Variants in PTPRN2 observed in about 807,000 individuals in gnomAD.
PTPRN2 encodes protein tyrosine phosphatase receptor type N2, also known as receptor-type tyrosine-protein phosphatase N2.
Under a neutral mutation model 118.8 loss-of-function variants are expected in PTPRN2, and 74 were observed. That is an observed-to-expected ratio of 0.62 (90% CI 0.52 to 0.76). PTPRN2 has a LOEUF of 0.76. Ranked by LOEUF, PTPRN2 falls within the 30% of genes least tolerant of loss-of-function variation. The pLI is 0.00. For synonymous variants in PTPRN2, 641 were observed against 608.0 expected (o/e 1.05, Z -0.80); for missense variants, 1,481 against 1,394.4 (o/e 1.06, Z -0.99).
chr7:157,576,701 C>T lies in PTPRN2; in HGVS notation c.2695G>A (p.Glu899Lys), dbSNP rs116890852. The change falls in exon 19 of 23, where the codon GAG becomes AAG. Residue 899 changes from glutamate to lysine, a missense_variant. Around this residue, in one of 3 missense-constraint regions of PTPRN2, gnomAD observed 362 missense variants for 384.1 expected, o/e 0.94. Transcript: ENST00000389418. ...SFYLKNLQTN[E>K]TRTVTQFHFL... Reference sequence around the variant, plus strand: ...TGGAACTGCGTCACGGTGCGCGTCTCGTTGGTCTGCAGGTTCTTCAGATAG... The same window carrying T: ...TGGAACTGCGTCACGGTGCGCGTCTTGTTGGTCTGCAGGTTCTTCAGATAG... 28 of 1,610,912 alleles carry T rather than the reference C, an allele frequency of 1.7e-5. No homozygotes were observed. Among genetic ancestry groups the T allele is most frequent in the East Asian group, 2.2e-5 (1 of 44,800 alleles).
chr7:157,963,983 A>C (rs1251271166), intron 11 of PTPRN2, among the ~76,000 whole-genome samples: 1 of 152,190 alleles, frequency 6.6e-6, no homozygotes, highest in Non-Finnish European at 1.5e-5. Flanking sequence ...CACTGCACCC[A>C]GTCATTAAGT....
At chr7:158,475,979 T>C (rs1042660589) in intron 2 of PTPRN2, among the ~76,000 whole-genome samples, 12 of 152,182 alleles carry the variant, frequency 7.9e-5, no homozygotes, top group African/African-American at 2.9e-4. Flanking sequence ...CTGCATATCA[T>C]ACTTACTACG....
chr7:157,969,539 G>T (rs10277879), intron 11 of PTPRN2, among the ~76,000 whole-genome samples: 69,570 of 151,838 alleles, frequency 0.46, 16,078 homozygotes, highest in East Asian at 0.57. Context: ...GCTGGGTGCT[G>T]CCTGGGTTTC....
At chr7:157,759,215 G>A (rs2151003242) in intron 12 of PTPRN2, among the ~76,000 whole-genome samples, 2 of 152,366 alleles carry the variant, frequency 1.3e-5, no homozygotes, top group South Asian at 4.1e-4. Flanking sequence ...GGTCGGCATT[G>A]TTACTTAGGT....
chr7:158,326,520 G>A (rs1007638065), intron 2 of PTPRN2, among the ~76,000 whole-genome samples: 5 of 152,232 alleles, frequency 3.3e-5, no homozygotes, highest in African/African-American at 1.2e-4. Flanking sequence ...AATGTATGCA[G>A]ACACATGCAC....
At chr7:157,934,120 C>G (rs1415905876) in intron 11 of PTPRN2, among the ~76,000 whole-genome samples, 1 of 152,210 alleles carries the variant, frequency 6.6e-6, no homozygotes, top group East Asian at 1.9e-4. Context: ...CTCAAGGGCA[C>G]GTGTGCGGAT....
chr7:158,101,792 C>G (rs574311259), intron 10 of PTPRN2, among the ~76,000 whole-genome samples: 24 of 152,336 alleles, frequency 1.6e-4, no homozygotes, highest in African/African-American at 5.8e-4. Flanking sequence ...GACAGCAAAG[C>G]CCCTGGCCAC....
In PTPRN2 at chr7:158,525,097, C is replaced by T. The variant is rs1003275500; in HGVS notation, c.113-35312G>A. Among the ~76,000 whole-genome samples, 1 of 152,154 alleles carries T rather than the reference C, an allele frequency of 6.6e-6. No individual in the cohort carries two copies. The highest frequency in any genetic ancestry group is 1.5e-5 in the Non-Finnish European group (1 of 68,042). On this transcript the variant is annotated intron_variant, in intron 1 of 22. Coordinates refer to ENST00000389418, the MANE Select transcript of PTPRN2 (RefSeq NM_002847.5). This position sits in a 1 kb window ranked among gnomAD's most constrained non-coding sequence, Gnocchi z 4.1. ...GCAAGGCTCTGACTGAACCCTCAAG[C>T]TGGCCCTCCATGCGAAGAAATGCTG...
At chr7:158,176,687 C>G (rs2150640208) in intron 5 of PTPRN2, among the ~76,000 whole-genome samples, 1 of 152,328 alleles carries the variant, frequency 6.6e-6, no homozygotes, top group Admixed American at 6.5e-5. Flanking sequence ...ATGCATCAAC[C>G]TGCTCTGCCT....
intron 12 of PTPRN2, among the ~76,000 whole-genome samples, chr7:157,765,822 C>A (rs1802429133): frequency 6.8e-6 from 1 of 146,946 alleles, no homozygotes; most frequent in Non-Finnish European, 1.5e-5. Flanking sequence ...CATCCATCAT[C>A]CATTCTTCCT....
intron 12 of PTPRN2, among the ~76,000 whole-genome samples, chr7:157,892,722 G>T (rs773237161): frequency 2.0e-5 from 3 of 152,156 alleles, no homozygotes; most frequent in Non-Finnish European, 4.4e-5. Flanking sequence ...AAAATCATTA[G>T]CTGTTAAATA....
intron 8 of PTPRN2, among the ~76,000 whole-genome samples, chr7:158,134,657 C>G (rs2150443072): frequency 6.6e-6 from 1 of 152,260 alleles, no homozygotes; most frequent in Non-Finnish European, 1.5e-5. Flanking sequence ...GTAATTGATT[C>G]TAACGATACC....
chr7:158,412,664 TC>T (rs1814238631), intron 2 of PTPRN2, among the ~76,000 whole-genome samples: 2 of 57,336 alleles, frequency 3.5e-5, no homozygotes, highest in Non-Finnish European at 3.2e-5. Flanking sequence ...AGGGCCCATC[TC>T]AGCACCCTCC....
At chr7:158,277,402 G>A (rs550127987) in intron 3 of PTPRN2, among the ~76,000 whole-genome samples, 1 of 152,184 alleles carries the variant, frequency 6.6e-6, no homozygotes, top group Non-Finnish European at 1.5e-5. Context: ...GAGGAGGCCG[G>A]GCCCAGGCCT....
At chr7:157,866,834 C>CG (rs1349695355) in intron 12 of PTPRN2, among the ~76,000 whole-genome samples, 1 of 89,596 alleles carries the variant, frequency 1.1e-5, no homozygotes, top group African/African-American at 4.4e-5. Flanking sequence ...ACCACCGCCC[C>CG]CCCCCGACGC....
chr7:157,743,731 G>A (rs752875479), intron 12 of PTPRN2, among the ~76,000 whole-genome samples: 2 of 152,110 alleles, frequency 1.3e-5, no homozygotes, highest in Non-Finnish European at 2.9e-5. Context: ...TCCGTGGCTG[G>A]GATAGCTATC....
intron 11 of PTPRN2, among the ~76,000 whole-genome samples, chr7:157,942,955 G>A (rs1001125163): frequency 6.6e-6 from 1 of 152,068 alleles, no homozygotes; most frequent in African/African-American, 2.4e-5. Flanking sequence ...CCCATCCCTG[G>A]CATTTCCATG....
intron 2 of PTPRN2, among the ~76,000 whole-genome samples, chr7:158,372,369 G>T (rs1586495147): frequency 6.8e-6 from 1 of 148,000 alleles, no homozygotes; most frequent in South Asian, 2.2e-4. Flanking sequence ...CCCCCAGGCT[G>T]GACCCCAGAG....
chr7:157,934,886 T>C (rs569636825), intron 11 of PTPRN2, among the ~76,000 whole-genome samples: 3 of 152,338 alleles, frequency 2.0e-5, no homozygotes, highest in South Asian at 4.1e-4. Context: ...CGAAAGCAGG[T>C]TTCTTTCACC....
Sources: allele counts gnomAD v4.1 joint callset (sites outside exome capture counted in the v4.1 genomes callset), GRCh38; gene constraint gnomAD v4.1.1; regional missense constraint gnomAD v4.1.1; non-coding constraint Gnocchi (gnomAD v3.1); transcripts MANE v1.5; gene names NCBI Gene and HGNC (gene_info 2026-07-23, HGNC 2026-07-21).